LRRIQ1: variants seen among roughly 807,000 people sequenced by gnomAD.
LRRIQ1 encodes leucine-rich repeat- and IQ domain-containing protein 1.
LRRIQ1 carries 210 observed loss-of-function variants against 211.9 expected under a neutral mutation model. The ratio of observed to expected loss-of-function variants is 0.99; its 90% CI spans 0.89 to 1.11. The LOEUF (loss-of-function observed/expected upper bound fraction) is 1.11, where lower values mean the gene tolerates loss of function less well. Ranked by LOEUF, LRRIQ1 falls within the 50% of genes most tolerant of loss-of-function variation. The pLI, the probability that LRRIQ1 is intolerant of heterozygous loss-of-function variation, is 0.00. For synonymous variants in LRRIQ1, 699 were observed against 650.1 expected (o/e 1.08, Z -1.14); for missense variants, 2,136 against 1,939.5 (o/e 1.10, Z -1.90).
chr12:85,102,959 A>AAAAAAATATATATATATATATATATAT (rs1458673370), intron 13 of LRRIQ1, among the ~76,000 whole-genome samples: 1 of 108,500 alleles, frequency 9.2e-6, no homozygotes, highest in African/African-American at 4.2e-5. Flanking sequence ...AAAAAAAAAA[A>AAAAAAATATATATATATATATATATAT]ATATATATAT....
intron 11 of LRRIQ1, among the ~76,000 whole-genome samples, chr12:85,090,072 A>T (rs1885224789): frequency 6.6e-6 from 1 of 152,216 alleles, no homozygotes; most frequent in African/African-American, 2.4e-5. Flanking sequence ...CTGTGGCTCA[A>T]AGGAGCCCAG....
chr12:85,101,562 T>G (rs1886347347), intron 13 of LRRIQ1, among the ~76,000 whole-genome samples: 1 of 151,864 alleles, frequency 6.6e-6, no homozygotes, highest in African/African-American at 2.4e-5. Flanking sequence ...ACTAATGTCC[T>G]TTGTCTTTCT....
At chr12:85,055,522 T>C in intron 7 of LRRIQ1, 25 bp from the exon 8 acceptor site, 1 of 1,424,364 alleles carries the variant, frequency 7.0e-7, no homozygotes, top group East Asian at 2.5e-5. Flanking sequence ...TTATGCTGAC[T>C]ACCATGTATC....
At chr12:85,257,498 A>G (rs950930385) in intron 1 of LRRIQ1, among the ~76,000 whole-genome samples, 3 of 151,426 alleles carry the variant, frequency 2.0e-5, no homozygotes, top group South Asian at 4.2e-4. Flanking sequence ...TGTGGGACCT[A>G]GATAGCTTAT....
intron 8 of LRRIQ1, among the ~76,000 whole-genome samples, chr12:85,064,672 T>TA (rs1491228506): frequency 1.3e-5 from 2 of 151,788 alleles, no homozygotes; most frequent in African/African-American, 4.8e-5. Context: ...TAGATTTAAG[T>TA]ATGTTTAATC....
chr12:85,215,930 A>C (rs539288309), intron 24 of LRRIQ1, among the ~76,000 whole-genome samples: 35 of 152,354 alleles, frequency 2.3e-4, no homozygotes, highest in South Asian at 4.1e-4. Context: ...TATAGTGCTT[A>C]AACATGTATG....
chr12:85,121,927 A>G (rs1433908322), intron 16 of LRRIQ1, 51 bp downstream of exon 16: 2 of 1,384,376 alleles, frequency 1.4e-6, no homozygotes, highest in Non-Finnish European at 1.9e-6. Context: ...AATGTAATTT[A>G]TAAATGTGAT....
In LRRIQ1 at chr12:85,124,139, T is replaced by C. The variant is rs1018397549; in HGVS notation, c.3627T>C (p.Thr1209=). The C allele has an allele frequency of 6.2e-7, 1 of 1,614,062 alleles. No homozygotes were observed. Among genetic ancestry groups the C allele is most frequent in the Admixed American group, 1.7e-5 (1 of 60,016 alleles). ...HYFKKLMILS[T]EYRHAHERGD... Reference sequence around the variant, plus strand: ...TTAAGAAATTGATGATACTTAGTACTGAATACCGACATGCACACGAACGAG... The same window carrying C: ...TTAAGAAATTGATGATACTTAGTACCGAATACCGACATGCACACGAACGAG... The change falls in exon 17 of 27, where the codon ACT becomes ACC. Residue 1209 remains threonine (T), a synonymous_variant. Coordinates refer to ENST00000393217, the MANE Select transcript of LRRIQ1 (RefSeq NM_001079910.2).
chr12:85,121,039 G>A (rs1887944274), intron 15 of LRRIQ1, among the ~76,000 whole-genome samples: 1 of 151,878 alleles, frequency 6.6e-6, no homozygotes, highest in Admixed American at 6.6e-5. Flanking sequence ...ACGATCTTGG[G>A]TCACTGCAAC....
At chr12:85,239,356 TACACACACAC>T (rs55912271) in intron 26 of LRRIQ1, among the ~76,000 whole-genome samples, 1 of 145,060 alleles carries the variant, frequency 6.9e-6, no homozygotes, top group Admixed American at 7.0e-5. Flanking sequence ...AACTGTTTTA[TACACACACAC>T]ACACACACAC....
At chr12:85,122,233 A>G (rs1294138110) in intron 16 of LRRIQ1, among the ~76,000 whole-genome samples, 1 of 152,166 alleles carries the variant, frequency 6.6e-6, no homozygotes, top group African/African-American at 2.4e-5. Flanking sequence ...TTAACATAAG[A>G]GAAAATTGGG....
At chr12:85,129,090 G>A (rs143009450) in intron 18 of LRRIQ1, among the ~76,000 whole-genome samples, 217 of 152,102 alleles carry the variant, frequency 1.4e-3, no homozygotes, top group African/African-American at 4.8e-3. Context: ...TACCACTGGC[G>A]GTACCTTACC....
intron 24 of LRRIQ1, among the ~76,000 whole-genome samples, chr12:85,208,403 C>A (rs978773257): frequency 6.6e-6 from 1 of 151,990 alleles, no homozygotes; most frequent in Non-Finnish European, 1.5e-5. Flanking sequence ...TAGAAATTCA[C>A]ATTAATGCGG....
chr12:85,161,022 C>T (rs1374690739), intron 24 of LRRIQ1, among the ~76,000 whole-genome samples: 3 of 151,850 alleles, frequency 2.0e-5, no homozygotes, highest in African/African-American at 7.3e-5. Context: ...TTTACAGTGA[C>T]AGATATATTA....
In LRRIQ1 at chr12:85,057,060, T is replaced by G. The variant is rs1565794403; in HGVS notation, c.2267T>G (p.Phe756Cys). The change falls in exon 8 of 27, where the codon TTC becomes TGC. Residue 756 changes from phenylalanine to cysteine, a missense_variant. Physicochemically the swap from Phe to Cys is radical, Grantham distance 205. Transcript: ENST00000393217. ...TCATTTAAACCTTGGCTTGAAATTT[T>G]CAAGCAAAATCAACAAAAGAAAATT... Reference protein sequence around the residue: ...IKSFKPWLEIFKQNQQKKIVR... With the variant: ...IKSFKPWLEICKQNQQKKIVR... The G allele has an allele frequency of 1.2e-6, 2 of 1,609,014 alleles. No homozygotes were observed. Among genetic ancestry groups the G allele is most frequent in the South Asian group, 1.1e-5 (1 of 89,894 alleles).
At chr12:85,103,033 C>T (rs968312795) in intron 13 of LRRIQ1, among the ~76,000 whole-genome samples, 1 of 143,554 alleles carries the variant, frequency 7.0e-6, no homozygotes, top group African/African-American at 2.6e-5. Context: ...GATGAGCTGG[C>T]TTCATTTAAT....
At position 85,165,838 on chromosome 12, in the gene LRRIQ1, C is replaced by A. The variant is rs150771325; in HGVS notation, c.4822+5124C>A. 5.9e-3 allele frequency among the ~76,000 whole-genome samples: 899 copies of A among 152,172 alleles called. 8 individuals carry two copies. The highest frequency in any genetic ancestry group is 8.9e-3 in the Non-Finnish European group (605 of 67,980). On this transcript the variant is annotated intron_variant, in intron 24 of 26. Transcript: ENST00000393217. Reference sequence around the variant, plus strand: ...TGTTCCACATTTTCTTTATCCAAACCACTGCTGACGAGCACCTAGGTTGAT... The same window carrying A: ...TGTTCCACATTTTCTTTATCCAAACAACTGCTGACGAGCACCTAGGTTGAT...
At chr12:85,258,340 T>C (rs1267449954) in intron 1 of LRRIQ1, among the ~76,000 whole-genome samples, 1 of 151,888 alleles carries the variant, frequency 6.6e-6, no homozygotes, top group Non-Finnish European at 1.5e-5. Flanking sequence ...ATGGTTCAAT[T>C]GGGATTTGGA....
At position 85,228,580 on chromosome 12, in the gene LRRIQ1, A is replaced by G. The variant is rs1894782361; in HGVS notation, c.4823-937A>G. Among the ~76,000 whole-genome samples, 3 of 152,200 alleles carry G rather than the reference A, an allele frequency of 2.0e-5. No homozygotes were observed. The South Asian group carries it at 6.2e-4, about 32-fold the overall frequency. ...GCTTCAACATCTGTTTAAATTGAAA[A>G]CTAGAGTCATTTCACTAATTACAAC... On this transcript the variant is annotated intron_variant, in intron 24 of 26. Coordinates refer to ENST00000393217, the MANE Select transcript of LRRIQ1 (RefSeq NM_001079910.2).
Sources: gnomAD v4.1 joint callset for allele counts (sites outside exome capture counted in the v4.1 genomes callset) on GRCh38, gnomAD v4.1.1 for gene constraint, MANE v1.5 for transcripts, NCBI Gene and HGNC (gene_info 2026-07-23, HGNC 2026-07-21) for gene names.